CEP70: variants seen among roughly 807,000 people sequenced by gnomAD.
CEP70 encodes centrosomal protein of 70 kDa.
In CEP70, 70 loss-of-function variants were observed where a neutral mutation model predicts 90.9. That is an observed-to-expected ratio of 0.77 (90% CI 0.64 to 0.94). CEP70 has a LOEUF of 0.94. Among genes scored for constraint, CEP70 ranks in the 40% least tolerant of loss-of-function variants. CEP70 has a pLI of 0.00. For missense variants in CEP70, 648 were observed against 669.0 expected (o/e 0.97, Z 0.35); for synonymous variants, 220 against 228.3 (o/e 0.96, Z 0.33).
chr3:138,549,364 G>A (rs146568934), intron 6 of CEP70, among the ~76,000 whole-genome samples: 16 of 151,962 alleles, frequency 1.1e-4, no homozygotes, highest in Admixed American at 3.3e-4. Flanking sequence ...TGGGTGGGGC[G>A]GGTAGTGGGC....
intron 6 of CEP70, among the ~76,000 whole-genome samples, chr3:138,562,076 G>A (rs1055669606): frequency 6.7e-5 from 10 of 149,328 alleles, no homozygotes; most frequent in East Asian, 2.0e-4. Context: ...ATCAGTAGCC[G>A]AACTGATCAA....
chr3:138,516,003 T>A (rs543327967), intron 11 of CEP70, among the ~76,000 whole-genome samples: 101 of 152,226 alleles, frequency 6.6e-4, no homozygotes, highest in Non-Finnish European at 1.2e-3. Flanking sequence ...TAGTTCTACC[T>A]CCATTCTCCA....
At chr3:138,537,116 AAAAC>A (rs761498999) in intron 7 of CEP70, 58 bp downstream of exon 7, 103 of 1,251,556 alleles carry the variant, frequency 8.2e-5, no homozygotes, top group Non-Finnish European at 9.3e-5. Context: ...AATATCAGGT[AAAAC>A]AAACAAACAA....
intron 6 of CEP70, among the ~76,000 whole-genome samples, chr3:138,556,813 T>C (rs1174498610): frequency 6.6e-6 from 1 of 151,910 alleles, no homozygotes; most frequent in Non-Finnish European, 1.5e-5. Context: ...CACAAGGTAA[T>C]AGAATATCAC....
chr3:138,541,322 C>T (rs1195265347), intron 6 of CEP70, among the ~76,000 whole-genome samples: 2 of 151,718 alleles, frequency 1.3e-5, no homozygotes, highest in African/African-American at 2.4e-5. Context: ...TAAAGGAGCT[C>T]TGATTTATCT....
intron 2 of CEP70, among the ~76,000 whole-genome samples, chr3:138,577,694 A>G (rs2041627028): frequency 6.6e-6 from 1 of 152,118 alleles, no homozygotes; most frequent in Non-Finnish European, 1.5e-5. Flanking sequence ...GAGAAACACA[A>G]GCAGACAAGA....
At chr3:138,538,849 G>A (rs529726951) in intron 6 of CEP70, among the ~76,000 whole-genome samples, 15 of 152,012 alleles carry the variant, frequency 9.9e-5, no homozygotes, top group Admixed American at 4.6e-4. Context: ...GCCAGTTTTG[G>A]CAATTTCTGT....
At chr3:138,509,926 C>T (rs2035361503) in intron 11 of CEP70, among the ~76,000 whole-genome samples, 1 of 151,954 alleles carries the variant, frequency 6.6e-6, no homozygotes, top group African/African-American at 2.4e-5. Context: ...ATAATGGACC[C>T]AAAATGCAAG....
rs1242831654 is a variant in CEP70 at position 138,529,354 on chromosome 3, T to C, written c.780+21A>G. 3 of 1,574,048 alleles carry C rather than the reference T, an allele frequency of 1.9e-6. No homozygotes were observed. The South Asian group carries it at 3.5e-5, about 18-fold the overall frequency. ...TACTTAGTTTATTAAAAAGTATTTA[T>C]TAGTTATGCAGTCCCCATACCATTA... On this transcript the variant is annotated intron_variant, in intron 9 of 17. Coordinates refer to ENST00000264982, the MANE Select transcript of CEP70 (RefSeq NM_024491.4).
At chr3:138,512,897 T>C (rs1441780638) in intron 11 of CEP70, among the ~76,000 whole-genome samples, 2 of 152,200 alleles carry the variant, frequency 1.3e-5, no homozygotes, top group Non-Finnish European at 1.5e-5. Flanking sequence ...GCAAAACACA[T>C]AGGTGCATCA....
rs1182569620 is a variant in CEP70 at position 138,570,325 on chromosome 3, G to A, written c.458C>T (p.Thr153Ile). The A allele has an allele frequency of 1.3e-6, 2 of 1,575,240 alleles. No individual in the cohort carries two copies. The highest frequency in any genetic ancestry group is 1.7e-6 in the Non-Finnish European group (2 of 1,165,228). Residue 153 changes from threonine (T) to isoleucine (I), a missense_variant, in exon 6 of 18, where the codon ACT becomes ATT. By Grantham distance (89) the Thr-to-Ile change is moderately conservative. Transcript: ENST00000264982. The stretch of plus-strand genomic sequence containing the variant: ...GAATTCATAACTCAGTACCTGTAAA[G>A]TTTTCTGCTCCTTTTGAAGATCTTT... ...KIKDLQKEQKTLQVKCQHYKK... is the reference protein window; with the variant it reads ...KIKDLQKEQKILQVKCQHYKK...
intron 11 of CEP70, among the ~76,000 whole-genome samples, chr3:138,518,690 A>C (rs1465931006): frequency 1.3e-5 from 2 of 152,192 alleles, no homozygotes; most frequent in Non-Finnish European, 2.9e-5. Flanking sequence ...GTACATCATC[A>C]TCATCAAAGA....
In CEP70 at chr3:138,571,060, C is replaced by T. The variant is rs769260636; in HGVS notation, c.258G>A (p.Glu86=). The change falls in exon 5 of 18, where the codon GAG becomes GAA. Residue 86 remains glutamate, a synonymous_variant. Transcript: ENST00000264982. The part of the protein sequence containing the change: ...ETSCQQNMIQ[E]LIETNQQLRN... ...TAAGCTGTTGATTAGTTTCTATAAGCTCCTGTATCATGTTCTGTTGACATG... is the reference window on the plus strand; with the variant it reads ...TAAGCTGTTGATTAGTTTCTATAAGTTCCTGTATCATGTTCTGTTGACATG... The T allele has an allele frequency of 1.2e-6, 2 of 1,604,104 alleles. No homozygotes were observed. Among genetic ancestry groups the T allele is most frequent in the Non-Finnish European group, 1.7e-6 (2 of 1,175,438 alleles).
At chr3:138,537,115 T>C (rs1045331151) in intron 7 of CEP70, 63 bp downstream of exon 7, 2 of 1,233,050 alleles carry the variant, frequency 1.6e-6, no homozygotes, top group Non-Finnish European at 2.2e-6. Flanking sequence ...TAATATCAGG[T>C]AAAACAAACA....
chr3:138,496,404 A>C, intron 17 of CEP70: 1 of 985,452 alleles, frequency 1.0e-6, no homozygotes. Context: ...ATATAAGCAA[A>C]CCTACAACAG....
At position 138,511,300 on chromosome 3, in the gene CEP70, T is replaced by C. The variant is rs55890669; in HGVS notation, c.945-2756A>G. 4.4e-3 allele frequency among the ~76,000 whole-genome samples: 676 copies of C among 152,372 alleles called. 2 individuals are homozygous for C. The highest frequency in any genetic ancestry group is 0.016 in the African/African-American group (653 of 41,594). ...GCTATTCTCTGCTTTCTAGTGAGTATATGCCCAAGCCAAATTATAAATGAC... is the reference window on the plus strand; with the variant it reads ...GCTATTCTCTGCTTTCTAGTGAGTACATGCCCAAGCCAAATTATAAATGAC... On this transcript the variant is annotated intron_variant, in intron 11 of 17. Coordinates refer to ENST00000264982, the MANE Select transcript of CEP70 (RefSeq NM_024491.4).
Position 138,545,205 on chromosome 3 carries a change from T to C in CEP70, c.466-7858A>G, listed in dbSNP as rs558653693. Among the ~76,000 whole-genome samples the C allele has an allele frequency of 4.9e-4, 74 of 152,300 alleles. No individual in the cohort carries two copies. In the South Asian group the frequency reaches 0.014, roughly 29 times the overall value. On this transcript the variant is annotated intron_variant, in intron 6 of 17. Transcript: ENST00000264982. The stretch of plus-strand genomic sequence containing the variant: ...GTTGCGGGAAGTCAGGGACCCCAAA[T>C]GGTGGGACCAACTGGACCCAGGGCA...
At chr3:138,520,245 C>T (rs1196583038) in intron 11 of CEP70, among the ~76,000 whole-genome samples, 1 of 152,142 alleles carries the variant, frequency 6.6e-6, no homozygotes. Flanking sequence ...GAGACTTTAA[C>T]ACCCCACTGT....
intron 2 of CEP70, among the ~76,000 whole-genome samples, chr3:138,584,179 A>T (rs1248043489): frequency 2.0e-5 from 3 of 152,110 alleles, no homozygotes; most frequent in Non-Finnish European, 4.4e-5. Context: ...GAAGAAATGG[A>T]TAAATTCCTA....
Sources: allele counts gnomAD v4.1 joint callset (sites outside exome capture counted in the v4.1 genomes callset), GRCh38; gene constraint gnomAD v4.1.1; transcripts MANE v1.5; gene names NCBI Gene and HGNC (gene_info 2026-07-23, HGNC 2026-07-21).